Variants in PRUNE2 observed in about 807,000 individuals in gnomAD.
PRUNE2 encodes prune homolog 2 with BCH domain.
In PRUNE2, 164 loss-of-function variants were observed where a neutral mutation model predicts 252.0. The observed-to-expected ratio is 0.65, with a 90% CI of 0.57 to 0.74. The LOEUF is 0.74. Ranked by LOEUF, PRUNE2 falls within the 30% of genes least tolerant of loss-of-function variation. The pLI is 0.00. For missense variants in PRUNE2, 3,495 were observed against 3,711.0 expected, an observed-to-expected ratio of 0.94 and a Z score of 1.51; for synonymous variants, 1,292 against 1,350.2, an observed-to-expected ratio of 0.96 and a Z score of 0.94.
At chr9:76,656,119 T>C (rs576717644) in intron 9 of PRUNE2, among the ~76,000 whole-genome samples, 1 of 152,352 alleles carries the variant, frequency 6.6e-6, no homozygotes, top group African/African-American at 2.4e-5. Flanking sequence ...TGGTCATGAC[T>C]TCCCACCTCT....
chr9:76,815,495 AAG>A (rs1312839318), intron 6 of PRUNE2, among the ~76,000 whole-genome samples: 2 of 152,198 alleles, frequency 1.3e-5, no homozygotes, highest in South Asian at 4.1e-4. Flanking sequence ...ATGTCCCCGC[AAG>A]CCGTTTTATA....
At chr9:76,778,032 T>C (rs979564565) in intron 6 of PRUNE2, among the ~76,000 whole-genome samples, 6 of 152,224 alleles carry the variant, frequency 3.9e-5, no homozygotes, top group African/African-American at 1.4e-4. Flanking sequence ...GACCAAATCA[T>C]GTATTTTCCA....
intron 1 of PRUNE2, among the ~76,000 whole-genome samples, chr9:76,885,933 A>G (rs958285192): frequency 2.6e-5 from 4 of 152,210 alleles, no homozygotes; most frequent in Admixed American, 2.6e-4. Context: ...TAATCCCAGC[A>G]CTTTGGGAGG....
intron 6 of PRUNE2, among the ~76,000 whole-genome samples, chr9:76,774,214 C>T (rs1223032116): frequency 6.6e-6 from 1 of 152,092 alleles, no homozygotes; most frequent in African/African-American, 2.4e-5. Flanking sequence ...TAGCTCACTG[C>T]AGCCTCAACC....
intron 9 of PRUNE2, among the ~76,000 whole-genome samples, chr9:76,699,994 G>T (rs1309091687): frequency 6.6e-6 from 1 of 152,198 alleles, no homozygotes; most frequent in Admixed American, 6.5e-5. Context: ...TATAGCTGGA[G>T]GATGACCAAG....
chr9:76,700,639 T>C (rs534988172), intron 9 of PRUNE2, among the ~76,000 whole-genome samples: 2 of 152,338 alleles, frequency 1.3e-5, no homozygotes, highest in South Asian at 4.1e-4. Flanking sequence ...TTTGTTGGTA[T>C]AAAGACAAAT....
intron 14 of PRUNE2, 147 bp downstream of exon 14, chr9:76,637,271 T>C (rs1840576529): frequency 1.2e-6 from 1 of 810,718 alleles, no homozygotes; most frequent in East Asian, 2.5e-5. Context: ...GAATACATGC[T>C]TAATAGCAAC....
rs2046339086 is a variant in PRUNE2 at position 76,706,706 on chromosome 9, C to T, written c.5568G>A (p.Glu1856=). The stretch of plus-strand genomic sequence containing the variant: ...CATTTTGGTGTACTGAAGAATTTAT[C>T]TCCAACACACCACTGGAGTCAGACA... ...RELSDSSGVL[E]INSSVHQNAS... is the part of the protein sequence containing the mutation. Residue 1856 remains glutamate, a synonymous_variant, in exon 8 of 19, where the codon GAG becomes GAA. Transcript: ENST00000376718. 1.9e-6 allele frequency: 3 copies of T among 1,613,440 alleles called. No homozygotes were observed. The highest frequency in any genetic ancestry group is 2.5e-6 in the Non-Finnish European group (3 of 1,179,668).
intron 6 of PRUNE2, among the ~76,000 whole-genome samples, chr9:76,808,099 A>G (rs979054202): frequency 6.6e-6 from 1 of 152,138 alleles, no homozygotes; most frequent in Non-Finnish European, 1.5e-5. Flanking sequence ...AATCACTTGA[A>G]CCTGGGAGGC....
intron 2 of PRUNE2, among the ~76,000 whole-genome samples, chr9:76,851,123 C>A (rs2059930723): frequency 6.8e-6 from 1 of 146,640 alleles, no homozygotes; most frequent in African/African-American, 2.5e-5. Flanking sequence ...AAAATTAGGA[C>A]AATTGAGGCA....
chr9:76,753,519 T>C (rs1010708717), intron 6 of PRUNE2, among the ~76,000 whole-genome samples: 59 of 152,270 alleles, frequency 3.9e-4, no homozygotes, highest in African/African-American at 1.4e-3. Context: ...GGGTTCTCCA[T>C]TCTGGATGAA....
intron 1 of PRUNE2, among the ~76,000 whole-genome samples, chr9:76,868,113 T>C (rs2060951629): frequency 6.6e-6 from 1 of 152,156 alleles, no homozygotes; most frequent in African/African-American, 2.4e-5. Context: ...GAGGTGGGTG[T>C]AGACGAGATT....
In PRUNE2 at chr9:76,637,470, T is replaced by C. The variant is rs1249312733; in HGVS notation, c.8911A>G (p.Arg2971Gly). The change falls in exon 14 of 19, where the codon AGG becomes GGG. Residue 2971 changes from arginine (R) to glycine (G), a missense_variant. Coordinates refer to ENST00000376718, the MANE Select transcript of PRUNE2 (RefSeq NM_015225.3). ...VYLNGATPRR[R>G]MPGLGWMKKC... ...TTCATCCAGCCTAGCCCTGGCATCC[T>C]CCTTCTTGGGGTTGCACCATTCAAG... The C allele has an allele frequency of 3.1e-6, 5 of 1,613,640 alleles. No individual in the cohort carries two copies. Among genetic ancestry groups the C allele is most frequent in the Non-Finnish European group, 4.2e-6 (5 of 1,179,702 alleles).
intron 6 of PRUNE2, among the ~76,000 whole-genome samples, chr9:76,714,304 G>T (rs2046967228): frequency 6.6e-6 from 1 of 152,190 alleles, no homozygotes; most frequent in South Asian, 2.1e-4. Flanking sequence ...ATTGCAGAAA[G>T]GGATCCCAAT....
Position 76,708,663 on chromosome 9 carries a change from T to A in PRUNE2, c.3611A>T (p.His1204Leu), listed in dbSNP as rs199782532. The A allele has an allele frequency of 2.5e-6, 4 of 1,613,882 alleles. 1 individual carries two copies. The South Asian group carries it at 4.4e-5, about 18-fold the overall frequency. ...CCCACTTTTCTCATTCAATGTGTGA[T>A]GTTCACTGGGAGCACTGTCCTTGGT... is the stretch of plus-strand genomic sequence containing the variant. ...EHTKDSAPSEHHTLNEKSGQL... is the reference protein window; with the variant it reads ...EHTKDSAPSELHTLNEKSGQL... Residue 1204 changes from histidine to leucine, a missense_variant, in exon 8 of 19, where the codon CAT becomes CTT. His to Leu is a moderately conservative substitution (Grantham distance 99, BLOSUM62 -3). Coordinates refer to ENST00000376718, the MANE Select transcript of PRUNE2 (RefSeq NM_015225.3).
chr9:76,903,269 A>G (rs1001467837), intron 1 of PRUNE2, among the ~76,000 whole-genome samples: 2 of 152,092 alleles, frequency 1.3e-5, no homozygotes, highest in South Asian at 4.2e-4. Flanking sequence ...GCTAGCCCCA[A>G]TGATGATGAG....
In PRUNE2 at chr9:76,704,059, T is replaced by A. The variant is rs901469284; in HGVS notation, c.7554A>T (p.Thr2518=). The A allele has an allele frequency of 1.2e-5, 20 of 1,601,552 alleles. No individual in the cohort carries two copies. The African/African-American group carries it at 2.7e-4, about 22-fold the overall frequency. ...KEISELEEEK[T]IPTKEPEQIK... is the part of the protein sequence containing the mutation. ...TCTGCTCAGGCTCTTTGGTAGGAATTGTTTTTTCTTCTTCCAATTCTGATA... is the reference window on the plus strand; with the variant it reads ...TCTGCTCAGGCTCTTTGGTAGGAATAGTTTTTTCTTCTTCCAATTCTGATA... The change falls in exon 9 of 19, where the codon ACA becomes ACT. Residue 2518 remains threonine, a synonymous_variant. Transcript: ENST00000376718.
At chr9:76,802,935 T>C (rs953518645) in intron 6 of PRUNE2, among the ~76,000 whole-genome samples, 1 of 152,160 alleles carries the variant, frequency 6.6e-6, no homozygotes, top group South Asian at 2.1e-4. Flanking sequence ...GTCAAGTGAT[T>C]TTCTATTAAA....
intron 6 of PRUNE2, among the ~76,000 whole-genome samples, chr9:76,722,224 A>ATTTTTTTT (rs57390775): frequency 7.7e-6 from 1 of 130,556 alleles, no homozygotes; most frequent in Non-Finnish European, 1.7e-5. Context: ...ACACCCTGCT[A>ATTTTTTTT]TTTTTTTTTT....
Sources: gnomAD v4.1 joint callset for allele counts (sites outside exome capture counted in the v4.1 genomes callset) on GRCh38, gnomAD v4.1.1 for gene constraint, MANE v1.5 for transcripts, NCBI Gene and HGNC (gene_info 2026-07-23, HGNC 2026-07-21) for gene names.